The following GPC5 variants were observed in gnomAD, a reference collection of about 807,000 sequenced individuals.
GPC5 encodes the protein glypican 5.
A neutral mutation model predicts 53.9 loss-of-function variants in GPC5; 47 were observed. The ratio of observed to expected loss-of-function variants is 0.87; its 90% CI spans 0.69 to 1.11. The LOEUF is 1.11. Ranked by LOEUF, GPC5 falls within the 50% of genes most tolerant of loss-of-function variation. GPC5 has a pLI of 0.00. For synonymous variants in GPC5, 286 were observed against 263.3 expected (o/e 1.09, Z -0.84); for missense variants, 748 against 713.1 (o/e 1.05, Z -0.56).
chr13:91,953,292 G>T (rs1387043537), intron 6 of GPC5, among the ~76,000 whole-genome samples: 1 of 152,140 alleles, frequency 6.6e-6, no homozygotes, highest in Non-Finnish European at 1.5e-5. Flanking sequence ...GAAGTTAGGA[G>T]TTATTTTTGA....
intron 7 of GPC5, among the ~76,000 whole-genome samples, chr13:92,857,591 G>C (rs748081949): frequency 6.6e-6 from 1 of 152,042 alleles, no homozygotes; most frequent in Non-Finnish European, 1.5e-5. Flanking sequence ...CTACTATCCA[G>C]AGTCTATAAG....
intron 7 of GPC5, among the ~76,000 whole-genome samples, chr13:92,606,202 A>G (rs4771860): frequency 0.76 from 114,931 of 151,860 alleles, 43,637 homozygotes; most frequent in East Asian, 0.87. Flanking sequence ...CTCGTCATTT[A>G]CATTAGGTAT....
At chr13:92,125,885 T>A (rs1023588198) in intron 6 of GPC5, among the ~76,000 whole-genome samples, 1 of 149,716 alleles carries the variant, frequency 6.7e-6, no homozygotes, top group Non-Finnish European at 1.5e-5. Flanking sequence ...GATAGTAACA[T>A]GTAAAGATTA....
intron 6 of GPC5, among the ~76,000 whole-genome samples, chr13:92,099,092 G>A (rs925538460): frequency 1.3e-5 from 2 of 151,796 alleles, no homozygotes; most frequent in Non-Finnish European, 2.9e-5. Context: ...TGTTAACTGA[G>A]TTCTGAAATT....
chr13:92,460,257 G>A (rs1028832941), intron 7 of GPC5, among the ~76,000 whole-genome samples: 1 of 152,064 alleles, frequency 6.6e-6, no homozygotes, highest in South Asian at 2.1e-4. Context: ...TTACAGTGTT[G>A]TTAAAAACTA....
intron 7 of GPC5, among the ~76,000 whole-genome samples, chr13:92,806,956 C>T (rs1280806204): frequency 6.6e-6 from 1 of 152,062 alleles, no homozygotes; most frequent in African/African-American, 2.4e-5. Context: ...GACCACAAAA[C>T]TTCAATTAGT....
intron 7 of GPC5, among the ~76,000 whole-genome samples, chr13:92,305,619 A>G (rs1301622024): frequency 6.6e-6 from 1 of 152,242 alleles, no homozygotes; most frequent in Admixed American, 6.5e-5. Context: ...CAAATCTATC[A>G]TATTAAATGT....
intron 2 of GPC5, among the ~76,000 whole-genome samples, chr13:91,647,065 ATATGCGTGTGTGTG>A (rs1401696444): frequency 3.0e-5 from 4 of 132,658 alleles, no homozygotes; most frequent in African/African-American, 9.1e-5. Flanking sequence ...GATAATATAT[ATATGCGTGTGTGTG>A]TGTGTGTGTG....
intron 2 of GPC5, among the ~76,000 whole-genome samples, chr13:91,669,429 G>A (rs1269640653): frequency 6.6e-6 from 1 of 152,156 alleles, no homozygotes; most frequent in Non-Finnish European, 1.5e-5. Context: ...TTGATCAGGG[G>A]ATGGTTAACA....
intron 2 of GPC5, among the ~76,000 whole-genome samples, chr13:91,542,850 A>ATTTTTTTTTTTTT: frequency 1.5e-5 from 1 of 68,228 alleles, no homozygotes; most frequent in African/African-American, 5.3e-5. Flanking sequence ...TGCCCAGCCA[A>ATTTTTTTTTTTTT]TTTTTTTTTT....
chr13:91,611,139 G>A (rs543784183), intron 2 of GPC5, among the ~76,000 whole-genome samples: 1 of 152,242 alleles, frequency 6.6e-6, no homozygotes, highest in Non-Finnish European at 1.5e-5. Context: ...CTTAATGAGG[G>A]CATATGACAT....
chr13:91,689,227 A>ATT (rs1434138889), intron 2 of GPC5, among the ~76,000 whole-genome samples: 35 of 102,718 alleles, frequency 3.4e-4, no homozygotes, highest in African/African-American at 1.5e-3. Flanking sequence ...ATATATATAT[A>ATT]TATACACATA....
intron 5 of GPC5, among the ~76,000 whole-genome samples, chr13:91,807,063 A>G (rs903949258): frequency 6.6e-6 from 1 of 152,100 alleles, no homozygotes; most frequent in Non-Finnish European, 1.5e-5. Flanking sequence ...TCCCACACCA[A>G]CTAATATCAG....
At chr13:92,164,159 C>T (rs2042010637) in intron 7 of GPC5, among the ~76,000 whole-genome samples, 2 of 152,100 alleles carry the variant, frequency 1.3e-5, no homozygotes, top group African/African-American at 4.8e-5. Flanking sequence ...TCATTCTGCC[C>T]CTGGCCCTTC....
chr13:91,724,720 G>T (rs1196232902), intron 3 of GPC5, among the ~76,000 whole-genome samples: 1 of 152,068 alleles, frequency 6.6e-6, no homozygotes, highest in Non-Finnish European at 1.5e-5. Context: ...AGCCAGGCAT[G>T]GTGGCATGCG....
At chr13:92,396,161 G>T (rs1875260192) in intron 7 of GPC5, among the ~76,000 whole-genome samples, 1 of 151,810 alleles carries the variant, frequency 6.6e-6, no homozygotes, top group South Asian at 2.1e-4. Context: ...GTTTGTTTTT[G>T]TTTTCCATTA....
chr13:92,720,671 T>C (rs1004651577), intron 7 of GPC5, among the ~76,000 whole-genome samples: 2 of 152,158 alleles, frequency 1.3e-5, no homozygotes, highest in Admixed American at 1.3e-4. Context: ...CTACTTTTCT[T>C]ATAAAGATTT....
intron 2 of GPC5, among the ~76,000 whole-genome samples, chr13:91,554,260 C>T (rs181456870): frequency 2.6e-5 from 4 of 152,074 alleles, no homozygotes; most frequent in Non-Finnish European, 4.4e-5. Context: ...CACACACACA[C>T]CCCCACACAG....
At chr13:91,404,516 G>A (rs1877178538) in intron 1 of GPC5, among the ~76,000 whole-genome samples, 1 of 152,156 alleles carries the variant, frequency 6.6e-6, no homozygotes, top group Non-Finnish European at 1.5e-5. Context: ...TAGAAGAAAA[G>A]GCAGCACTGA....
Sources: gnomAD v4.1 joint callset for allele counts (sites outside exome capture counted in the v4.1 genomes callset) on GRCh38, gnomAD v4.1.1 for gene constraint, MANE v1.5 for transcripts, NCBI Gene and HGNC (gene_info 2026-07-23, HGNC 2026-07-21) for gene names.